S100A7: variants seen among roughly 807,000 people sequenced by gnomAD.
S100A7 encodes the protein protein S100-A7.
S100A7 carries 2 observed loss-of-function variants against 3.8 expected under a neutral mutation model. The observed-to-expected ratio is 0.53, with a 90% CI of 0.22 to 1.67. The LOEUF (loss-of-function observed/expected upper bound fraction) is 1.67. S100A7 is among the 40% of genes most tolerant of loss of function. The pLI is 0.20. For synonymous variants in S100A7, 55 were observed against 45.9 expected, an observed-to-expected ratio of 1.20 and a Z score of -0.80; for missense variants, 130 against 126.3, an observed-to-expected ratio of 1.03 and a Z score of -0.14.
rs371051866 is a variant in S100A7 at position 153,457,974 on chromosome 1, T to C, written c.142-4A>G. 1 of 1,613,068 alleles carries C rather than the reference T, an allele frequency of 6.2e-7. No individual in the cohort carries two copies. Among genetic ancestry groups the C allele is most frequent in the African/African-American group, 1.3e-5 (1 of 74,930 alleles). ...GGTAATTTGTGCCCTTTTTGTCCTG[T>C]GAAGAGAAAAACATACAAAATAGAA... On this transcript the variant is annotated splice_region_variant and splice_polypyrimidine_tract_variant and intron_variant, in intron 2 of 2. Transcript: ENST00000368723.
intron 1 of S100A7, 74 bp from the exon 2 acceptor site, chr1:153,459,104 G>T (rs1663758830): frequency 6.5e-7 from 1 of 1,545,616 alleles, no homozygotes; most frequent in Non-Finnish European, 8.8e-7. Context: ...GCTGGAAGGA[G>T]GGCTGAGGAC....
chr1:153,459,151 T>C, intron 1 of S100A7, 121 bp from the exon 2 acceptor site: 1 of 1,247,720 alleles, frequency 8.0e-7, no homozygotes, highest in South Asian at 1.6e-5. Flanking sequence ...CAGAACGAAC[T>C]CAATTTTTTT....
intron 1 of S100A7, 55 bp downstream of exon 1, chr1:153,460,552 TG>T (rs1162844049): frequency 4.1e-6 from 3 of 732,986 alleles, no homozygotes; most frequent in Non-Finnish European, 7.4e-6. Flanking sequence ...ACAGGCAGCA[TG>T]GCAGGCCAGG....
Position 153,457,758 on chromosome 1 carries a change from AC to A in S100A7, c.*47del, listed in dbSNP as rs775735971. 1.9e-6 allele frequency: 3 copies of A among 1,578,240 alleles called. No individual in the cohort carries two copies. The South Asian group carries it at 3.5e-5, about 18-fold the overall frequency. ...TAAGGCAAGTGTCTGGTGGGAGAAG[AC>A]ATTTTATTGTTCCTGGGGTCTCTGG... On this transcript the variant is annotated 3_prime_UTR_variant, in exon 3 of 3. Transcript: ENST00000368723.
intron 2 of S100A7, among the ~76,000 whole-genome samples, chr1:153,458,341 C>T (rs914030794): frequency 6.6e-6 from 1 of 152,176 alleles, no homozygotes. Context: ...TGCTTTTGTT[C>T]TCTTCTTTCT....
rs780231505 is a variant in S100A7, at chr1:153,457,791, A to C, written c.*15T>G. ...TTGTTCCTGGGGTCTCTGGAGGCCC[A>C]TTGGTGGGGCTGGGTCACTGGCTGC... On this transcript the variant is annotated 3_prime_UTR_variant, in exon 3 of 3. Transcript: ENST00000368723. 4.4e-5 allele frequency: 71 copies of C among 1,613,106 alleles called. No individual in the cohort carries two copies. In the Middle Eastern group the frequency reaches 1.3e-3, roughly 30 times the overall value.
chr1:153,458,338 G>T (rs1352050402), intron 2 of S100A7, among the ~76,000 whole-genome samples: 1 of 152,074 alleles, frequency 6.6e-6, no homozygotes, highest in Non-Finnish European at 1.5e-5. Context: ...TCATGCTTTT[G>T]TTCTCTTCTT....
chr1:153,459,517 C>G (rs1348516074), intron 1 of S100A7, among the ~76,000 whole-genome samples: 1 of 152,204 alleles, frequency 6.6e-6, no homozygotes, highest in African/African-American at 2.4e-5. Flanking sequence ...TGGGCCCCAC[C>G]TTGACTCAAG....
intron 1 of S100A7, 56 bp from the exon 2 acceptor site, chr1:153,459,086 T>G (rs959521498): frequency 1.3e-6 from 2 of 1,580,296 alleles, no homozygotes; most frequent in East Asian, 2.2e-5. Flanking sequence ...GGGTCTCTAT[T>G]TGGGAGTGCT....
Position 153,457,797 on chromosome 1 carries a change from G to A in S100A7, c.*9C>T, listed in dbSNP as rs1382464870. On this transcript the variant is annotated 3_prime_UTR_variant, in exon 3 of 3. Coordinates refer to ENST00000368723, the MANE Select transcript of S100A7 (RefSeq NM_002963.4). The stretch of plus-strand genomic sequence containing the variant: ...CTGGGGTCTCTGGAGGCCCATTGGT[G>A]GGGCTGGGTCACTGGCTGCCCCCGG... 3.1e-6 allele frequency: 5 copies of A among 1,613,612 alleles called. No homozygotes were observed. Among genetic ancestry groups the A allele is most frequent in the South Asian group, 2.2e-5 (2 of 91,008 alleles).
chr1:153,457,824 A>G lies in S100A7; in HGVS notation c.288T>C (p.Cys96=). The change falls in exon 3 of 3, where the codon TGT becomes TGC. Residue 96 remains cysteine, a synonymous_variant. Transcript: ENST00000368723. ...GGCTGGGTCACTGGCTGCCCCCGGA[A>G]CAGGGCGCTGCTCCATGGCTCTGCT... ...YHKQSHGAAP[C]SGGSQ The G allele has an allele frequency of 6.2e-7, 1 of 1,614,158 alleles. No individual in the cohort carries two copies. The highest frequency in any genetic ancestry group is 8.5e-7 in the Non-Finnish European group (1 of 1,180,034).
rs572574071 is a variant in S100A7, at chr1:153,458,572, A to G, written c.141+301T>C. Among the ~76,000 whole-genome samples, 359 of 152,234 alleles carry G rather than the reference A, an allele frequency of 2.4e-3. 3 individuals carry two copies. The highest frequency in any genetic ancestry group is 0.02 in the Middle Eastern group (6 of 294). On this transcript the variant is annotated intron_variant, in intron 2 of 2. Transcript: ENST00000368723. The stretch of plus-strand genomic sequence containing the variant: ...GATGTTGATGTGGGGCCTTTGGGAA[A>G]CAGGACCTGAGCATGTGAGTTTCAG...
At chr1:153,458,680 C>A (rs1367073704) in intron 2 of S100A7, among the ~76,000 whole-genome samples, 193 bp downstream of exon 2, 8 of 152,138 alleles carry the variant, frequency 5.3e-5, no homozygotes, top group African/African-American at 1.9e-4. Flanking sequence ...CATCTAATAA[C>A]CTCCTTTATA....
At position 153,457,790 on chromosome 1, in the gene S100A7, C is replaced by G. The variant is rs758377929; in HGVS notation, c.*16G>C. The stretch of plus-strand genomic sequence containing the variant: ...ATTGTTCCTGGGGTCTCTGGAGGCC[C>G]ATTGGTGGGGCTGGGTCACTGGCTG... On this transcript the variant is annotated 3_prime_UTR_variant, in exon 3 of 3. Transcript: ENST00000368723. 5 of 1,613,200 alleles carry G rather than the reference C, an allele frequency of 3.1e-6. No homozygotes were observed. In the South Asian group the frequency reaches 5.5e-5, roughly 18 times the overall value.
intron 2 of S100A7, among the ~76,000 whole-genome samples, chr1:153,458,488 AG>A (rs1265543752): frequency 2.0e-5 from 3 of 152,084 alleles, no homozygotes; most frequent in Non-Finnish European, 4.4e-5. Context: ...TTTATTGCAA[AG>A]AGGGCTATTG....
chr1:153,458,164 T>C (rs564220916), intron 2 of S100A7, among the ~76,000 whole-genome samples, 194 bp from the exon 3 acceptor site: 2 of 151,446 alleles, frequency 1.3e-5, no homozygotes, highest in South Asian at 4.2e-4. Context: ...CTCTAGGGAG[T>C]CTTTTTGTCT....
At chr1:153,459,149 A>G in intron 1 of S100A7, 119 bp from the exon 2 acceptor site, 1 of 1,281,758 alleles carries the variant, frequency 7.8e-7, no homozygotes, top group South Asian at 1.5e-5. Flanking sequence ...AGCAGAACGA[A>G]CTCAATTTTT....
At chr1:153,459,128 G>T (rs570299152) in intron 1 of S100A7, 98 bp from the exon 2 acceptor site, 12 of 1,418,382 alleles carry the variant, frequency 8.5e-6, no homozygotes, top group Non-Finnish European at 1.1e-5. Flanking sequence ...GTAAAAACAC[G>T]GATAAGGTGT....
chr1:153,459,344 G>A (rs945244854), intron 1 of S100A7, among the ~76,000 whole-genome samples: 6 of 152,114 alleles, frequency 3.9e-5, no homozygotes, highest in Non-Finnish European at 5.9e-5. Flanking sequence ...AACTAAGCTG[G>A]GACACCCCAG....
Sources: allele counts gnomAD v4.1 joint callset (sites outside exome capture counted in the v4.1 genomes callset), GRCh38; gene constraint gnomAD v4.1.1; transcripts MANE v1.5; gene names NCBI Gene and HGNC (gene_info 2026-07-23, HGNC 2026-07-21).